CFAP65: variants seen among roughly 807,000 people sequenced by gnomAD.
CFAP65 encodes cilia and flagella associated protein 65, also known as cilia- and flagella-associated protein 65.
A neutral mutation model predicts 208.0 loss-of-function variants in CFAP65; 155 were observed. That is an observed-to-expected ratio of 0.75 (90% CI 0.65 to 0.85). The LOEUF (loss-of-function observed/expected upper bound fraction) is 0.85, where lower values mean the gene tolerates loss of function less well. Among genes scored for constraint, CFAP65 ranks in the 40% least tolerant of loss-of-function variants. The probability of loss-of-function intolerance (pLI) is 0.00; values close to 1 mark genes in which losing one functional copy is unlikely to be tolerated. For synonymous variants in CFAP65, 970 were observed against 986.3 expected, an observed-to-expected ratio of 0.98 and a Z score of 0.31; for missense variants, 2,294 against 2,451.3, an observed-to-expected ratio of 0.94 and a Z score of 1.36.
chr2:219,036,589 C>T (rs1387186732), intron 4 of CFAP65, among the ~76,000 whole-genome samples: 1 of 152,008 alleles, frequency 6.6e-6, no homozygotes, highest in Non-Finnish European at 1.5e-5. Flanking sequence ...GGATTACAGG[C>T]ACCCGCCATC....
chr2:219,007,056 G>A (rs111958672), intron 29 of CFAP65, among the ~76,000 whole-genome samples: 95 of 152,290 alleles, frequency 6.2e-4, no homozygotes, highest in African/African-American at 2.2e-3. Context: ...GTGCCCTGGA[G>A]CTTTGTGGTT....
rs375665387 is a variant in CFAP65, at chr2:219,026,696, G to A, written c.2212-537C>T. 82 of 732,994 alleles carry A rather than the reference G, an allele frequency of 1.1e-4. 1 individual carries two copies. In the East Asian group the frequency reaches 2.3e-3, roughly 21 times the overall value. 45.4% of individuals were successfully genotyped at this position (732,994 alleles called of 1,614,324 possible). On this transcript the variant is annotated intron_variant, in intron 13 of 34. Coordinates refer to ENST00000341552, the MANE Select transcript of CFAP65 (RefSeq NM_194302.4). Reference sequence around the variant, plus strand: ...AGGGTGCATTTTACACTCACGGCACGTCTCAATTGGGACCAGCCACATATT... The same window carrying A: ...AGGGTGCATTTTACACTCACGGCACATCTCAATTGGGACCAGCCACATATT...
intron 14 of CFAP65, among the ~76,000 whole-genome samples, chr2:219,025,504 C>G (rs1187050743): frequency 6.6e-6 from 1 of 152,172 alleles, no homozygotes; most frequent in Non-Finnish European, 1.5e-5. Context: ...AGGCTCTGTG[C>G]TTTTCAGCCC....
At position 219,031,733 on chromosome 2, in the gene CFAP65, C is replaced by A; in HGVS notation, c.646-75G>T. 6.6e-7 allele frequency: 1 copy of A among 1,523,938 alleles called. No homozygotes were observed. Among genetic ancestry groups the A allele is most frequent in the Non-Finnish European group, 8.8e-7 (1 of 1,129,978 alleles). 94.4% of individuals were successfully genotyped at this position (1,523,938 alleles called of 1,614,324 possible). A position where few individuals can be genotyped will look rare whatever the true frequency, so the allele number is the denominator to read the frequency against. On this transcript the variant is annotated intron_variant, in intron 6 of 34. Transcript: ENST00000341552. The surrounding 1 kb of genome is among the most constrained non-coding windows in gnomAD (Gnocchi z 5.2). ...GACTGCACATCCCGCCCACCCTCAGCCACCCCCAACACAACCGCTGAGGGG... is the reference window on the plus strand; with the variant it reads ...GACTGCACATCCCGCCCACCCTCAGACACCCCCAACACAACCGCTGAGGGG...
At chr2:219,011,801 A>G (rs1047676160) in intron 24 of CFAP65, among the ~76,000 whole-genome samples, 2 of 152,252 alleles carry the variant, frequency 1.3e-5, no homozygotes, top group African/African-American at 4.8e-5. Flanking sequence ...ACTCCTGAGC[A>G]TGCTGACTCT....
chr2:219,023,472 T>A, intron 15 of CFAP65, 41 bp from the exon 16 acceptor site: 1 of 1,401,180 alleles, frequency 7.1e-7, no homozygotes, highest in Non-Finnish European at 9.8e-7. Flanking sequence ...GACCTCACTC[T>A]GCAGTCCCAG....
Position 219,011,612 on chromosome 2 carries a change from G to A in CFAP65, c.3958-616C>T, listed in dbSNP as rs547646617. 2.0e-5 allele frequency among the ~76,000 whole-genome samples: 3 copies of A among 152,214 alleles called. No individual in the cohort carries two copies. The East Asian group carries it at 5.8e-4, about 29-fold the overall frequency. On this transcript the variant is annotated intron_variant, in intron 24 of 34. Coordinates refer to ENST00000341552, the MANE Select transcript of CFAP65 (RefSeq NM_194302.4). ...AGTTCTGCTTAAAGGCAAGTAAGGG[G>A]GCGGAAAAGTCTGAGGGACTAAAGA...
intron 1 of CFAP65, 170 bp downstream of exon 1, chr2:219,041,318 C>A: frequency 1.6e-6 from 1 of 607,136 alleles, no homozygotes; most frequent in Non-Finnish European, 2.9e-6. Context: ...GATCCTTAGT[C>A]TGATTGATCT....
intron 1 of CFAP65, 68 bp from the exon 2 acceptor site, chr2:219,040,632 C>T: frequency 6.4e-7 from 1 of 1,551,818 alleles, no homozygotes; most frequent in East Asian, 2.4e-5. Context: ...TGTCCTGACT[C>T]ATTAATGCCT....
In CFAP65 at chr2:219,004,398, C is replaced by CT; in HGVS notation, c.5108dup (p.Val1704GlyfsTer10). The CT allele has an allele frequency of 6.2e-7, 1 of 1,613,976 alleles. No individual in the cohort carries two copies. The highest frequency in any genetic ancestry group is 1.1e-5 in the South Asian group (1 of 91,056). On this transcript the variant is annotated frameshift_variant, in exon 33 of 35. Transcript: ENST00000341552. LOFTEE classifies it high-confidence loss of function. This position sits in a 1 kb window ranked among gnomAD's most constrained non-coding sequence, Gnocchi z 4.7. ...TCCAGAATTGGCGGAAGTACGGCAC[C>CT]TGCTCCACCAGGCTTTGGTCCACAG...
intron 27 of CFAP65, 21 bp downstream of exon 27, chr2:219,009,921 C>G: frequency 6.3e-7 from 1 of 1,592,940 alleles, no homozygotes; most frequent in Non-Finnish European, 8.5e-7. Flanking sequence ...ATGGAGGTTC[C>G]AGGGCTCAGG....
intron 5 of CFAP65, among the ~76,000 whole-genome samples, chr2:219,033,200 AGT>A (rs1948157640): frequency 6.6e-6 from 1 of 152,258 alleles, no homozygotes. Flanking sequence ...GGCCAGGCAC[AGT>A]GCCTCACATC....
At position 219,014,058 on chromosome 2, in the gene CFAP65, G is replaced by A; in HGVS notation, c.3603-14C>T. 6.3e-7 allele frequency: 1 copy of A among 1,591,870 alleles called. No homozygotes were observed. On this transcript the variant is annotated splice_polypyrimidine_tract_variant and intron_variant, in intron 21 of 34. Transcript: ENST00000341552. The stretch of plus-strand genomic sequence containing the variant: ...AGGAGGAAGGCCCTGGGAGAGGGGT[G>A]CAAAGCCATACAAAGAAACTGGTCA...
chr2:219,028,430 C>G, intron 11 of CFAP65, 29 bp from the exon 12 acceptor site: 2 of 1,538,584 alleles, frequency 1.3e-6, no homozygotes, highest in Non-Finnish European at 1.8e-6. Flanking sequence ...TGTGGTGGGG[C>G]ATGGGAGGGG....
At position 219,003,278 on chromosome 2, in the gene CFAP65, AG is replaced by A; in HGVS notation, c.5556-7del. On this transcript the variant is annotated splice_polypyrimidine_tract_variant and splice_region_variant and intron_variant, in intron 33 of 34. Coordinates refer to ENST00000341552, the MANE Select transcript of CFAP65 (RefSeq NM_194302.4). This position sits in a 1 kb window ranked among gnomAD's most constrained non-coding sequence, Gnocchi z 4.4. ...GGTTGGCGAAGGCCGGGAGCCTGCG[AG>A]GGGGCGGGGGCTAGCATGAGGGCGG... is the stretch of plus-strand genomic sequence containing the variant. 1.3e-6 allele frequency: 2 copies of A among 1,530,134 alleles called. No homozygotes were observed. The highest frequency in any genetic ancestry group is 8.8e-7 in the Non-Finnish European group (1 of 1,136,478). The allele number at this position is 1,530,134 out of a possible 1,614,324, so 94.8% of individuals were successfully genotyped here.
upstream of CFAP65, chr2:219,041,537 C>A: frequency 6.4e-7 from 1 of 1,550,504 alleles, no homozygotes; most frequent in Non-Finnish European, 8.7e-7. Context: ...CAGGAAACGG[C>A]GTCTTCAGAT....
At chr2:219,035,297 A>G (rs1948287342) in intron 5 of CFAP65, 183 bp downstream of exon 5, 6 of 1,516,974 alleles carry the variant, frequency 4.0e-6, no homozygotes, top group South Asian at 1.3e-5. Flanking sequence ...GGGACACTAT[A>G]CCACAATGAA....
intron 13 of CFAP65, 177 bp downstream of exon 13, chr2:219,027,473 C>A: frequency 6.4e-7 from 1 of 1,561,776 alleles, no homozygotes; most frequent in Non-Finnish European, 8.7e-7. Flanking sequence ...ATGGGCCGAG[C>A]TAGGCCAGGA....
intron 19 of CFAP65, among the ~76,000 whole-genome samples, chr2:219,020,255 T>C (rs1245815386): frequency 2.0e-5 from 3 of 152,234 alleles, no homozygotes; most frequent in Admixed American, 2.0e-4. Context: ...TGTGGCTTTT[T>C]GTGACTGGCC....
Sources: gnomAD v4.1 joint callset for allele counts (sites outside exome capture counted in the v4.1 genomes callset) on GRCh38, gnomAD v4.1.1 for gene constraint, Gnocchi (gnomAD v3.1) non-coding constraint, MANE v1.5 for transcripts, NCBI Gene and HGNC (gene_info 2026-07-23, HGNC 2026-07-21) for gene names.